Variants in KIF6 observed in about 807,000 individuals in gnomAD.
KIF6 encodes the protein kinesin family member 6, also known as kinesin-like protein KIF6.
In KIF6, 106 loss-of-function variants were observed where a neutral mutation model predicts 112.7. The observed-to-expected ratio is 0.94, with a 90% CI of 0.80 to 1.11. The LOEUF is 1.11. KIF6 is among the 50% of genes least tolerant of loss of function. The probability of loss-of-function intolerance (pLI) is 0.00; values close to 1 mark genes in which losing one functional copy is unlikely to be tolerated. For synonymous variants in KIF6, 339 were observed against 339.9 expected (o/e 1.00, Z 0.03); for missense variants, 929 against 964.0 (o/e 0.96, Z 0.48).
At chr6:39,641,306 C>T (rs898854216) in intron 3 of KIF6, among the ~76,000 whole-genome samples, 4 of 152,118 alleles carry the variant, frequency 2.6e-5, no homozygotes, top group African/African-American at 7.2e-5. Flanking sequence ...ATGGAATACT[C>T]TGCAGCCATA....
At chr6:39,684,925 A>G (rs1036673463) in intron 3 of KIF6, among the ~76,000 whole-genome samples, 2 of 152,230 alleles carry the variant, frequency 1.3e-5, no homozygotes, top group African/African-American at 4.8e-5. Context: ...TTCAGGCAAC[A>G]TGAGTATCAC....
At chr6:39,596,302 A>C in intron 6 of KIF6, 42 bp from the exon 7 acceptor site, 1 of 1,301,896 alleles carries the variant, frequency 7.7e-7, no homozygotes, top group Non-Finnish European at 1.1e-6. Context: ...GAACAATGAA[A>C]ATTTTTAAAG....
chr6:39,655,045 G>C (rs778660286), intron 3 of KIF6, among the ~76,000 whole-genome samples: 2 of 152,080 alleles, frequency 1.3e-5, no homozygotes, highest in Non-Finnish European at 2.9e-5. Flanking sequence ...CCTCTAAAGT[G>C]GCCTTGCCAA....
chr6:39,555,191 T>C (rs1355925718), intron 10 of KIF6, among the ~76,000 whole-genome samples: 1 of 152,162 alleles, frequency 6.6e-6, no homozygotes. Flanking sequence ...TCTCCTTTTC[T>C]GGGGCTTTCC....
chr6:39,547,988 T>C (rs1205466524), intron 10 of KIF6, among the ~76,000 whole-genome samples: 2 of 152,220 alleles, frequency 1.3e-5, no homozygotes, highest in Non-Finnish European at 2.9e-5. Flanking sequence ...CCTGAATACA[T>C]AGCAGAAATT....
intron 3 of KIF6, among the ~76,000 whole-genome samples, chr6:39,678,700 C>T (rs1787320006): frequency 6.6e-6 from 1 of 152,180 alleles, no homozygotes. Flanking sequence ...GCAACAAAGA[C>T]CTATATTAGA....
At chr6:39,480,651 G>A (rs1427631876) in intron 13 of KIF6, among the ~76,000 whole-genome samples, 1 of 152,086 alleles carries the variant, frequency 6.6e-6, no homozygotes, top group Non-Finnish European at 1.5e-5. Flanking sequence ...TTCTTTGAAT[G>A]TCTGATAGAA....
At chr6:39,719,499 G>A (rs577399186) in intron 2 of KIF6, among the ~76,000 whole-genome samples, 7 of 152,114 alleles carry the variant, frequency 4.6e-5, no homozygotes, top group Non-Finnish European at 7.4e-5. Flanking sequence ...CCAGAAATCC[G>A]TCACCAAAAT....
intron 10 of KIF6, among the ~76,000 whole-genome samples, chr6:39,546,911 C>A (rs1207768635): frequency 6.6e-6 from 1 of 151,354 alleles, no homozygotes; most frequent in Non-Finnish European, 1.5e-5. Flanking sequence ...GAGGGAAATT[C>A]TTGGCTCTTA....
chr6:39,432,011 C>G (rs1214171926), intron 13 of KIF6, among the ~76,000 whole-genome samples: 1 of 151,228 alleles, frequency 6.6e-6, no homozygotes, highest in South Asian at 2.1e-4. Context: ...GAGGCCTTTT[C>G]TCATGTTTTC....
chr6:39,462,320 C>A (rs1421208214), intron 13 of KIF6, among the ~76,000 whole-genome samples: 2 of 152,130 alleles, frequency 1.3e-5, no homozygotes, highest in Admixed American at 1.3e-4. Context: ...ATGTCTGGAG[C>A]TATAGGAAAC....
intron 15 of KIF6, among the ~76,000 whole-genome samples, 155 bp downstream of exon 15, chr6:39,419,793 A>G (rs1562197578): frequency 6.6e-6 from 1 of 152,134 alleles, no homozygotes. Flanking sequence ...GGGATCACAC[A>G]CTTCCTAGGG....
intron 17 of KIF6, among the ~76,000 whole-genome samples, 157 bp downstream of exon 17, chr6:39,362,277 C>G (rs558084186): frequency 6.6e-6 from 1 of 152,254 alleles, no homozygotes; most frequent in East Asian, 1.9e-4. Context: ...GCCTTTCACA[C>G]CTGCCTGCTC....
chr6:39,371,716 C>T (rs1226445797), intron 16 of KIF6, among the ~76,000 whole-genome samples: 1 of 152,164 alleles, frequency 6.6e-6, no homozygotes, highest in African/African-American at 2.4e-5. Context: ...CACAACGTCT[C>T]ATCTGAGTGC....
At chr6:39,390,984 C>A (rs1183119160) in intron 15 of KIF6, among the ~76,000 whole-genome samples, 1 of 152,176 alleles carries the variant, frequency 6.6e-6, no homozygotes, top group Non-Finnish European at 1.5e-5. Flanking sequence ...GATGTAAATT[C>A]TTTGAAACCT....
At chr6:39,450,680 C>T (rs1314070203) in intron 13 of KIF6, among the ~76,000 whole-genome samples, 2 of 152,160 alleles carry the variant, frequency 1.3e-5, no homozygotes, top group Admixed American at 6.5e-5. Flanking sequence ...TGGTACATGT[C>T]TGCAGTCCCA....
chr6:39,455,800 C>T lies in KIF6; in HGVS notation c.1646-24639G>A, dbSNP rs1387853570. On this transcript the variant is annotated intron_variant, in intron 13 of 22. Transcript: ENST00000287152. ...GGAAGATGAAATGAATGAAATGAAGCGAGAAGGGAAGTTTAGAGAAAAAAG... is the reference window on the plus strand; with the variant it reads ...GGAAGATGAAATGAATGAAATGAAGTGAGAAGGGAAGTTTAGAGAAAAAAG... Among the ~76,000 whole-genome samples the T allele has an allele frequency of 6.0e-5, 9 of 150,578 alleles. No individual in the cohort carries two copies. In the South Asian group the frequency reaches 6.4e-4, roughly 11 times the overall value.
chr6:39,394,533 A>T (rs1768115115), intron 15 of KIF6, among the ~76,000 whole-genome samples: 1 of 152,218 alleles, frequency 6.6e-6, no homozygotes, highest in African/African-American at 2.4e-5. Flanking sequence ...AGAGTCCCAG[A>T]GGCAGCCCAA....
chr6:39,615,813 C>T (rs2150725944), intron 5 of KIF6, among the ~76,000 whole-genome samples: 1 of 152,202 alleles, frequency 6.6e-6, no homozygotes, highest in African/African-American at 2.4e-5. Flanking sequence ...TAGGCAAGGT[C>T]ACTGAAAATT....
Sources: allele counts gnomAD v4.1 joint callset (sites outside exome capture counted in the v4.1 genomes callset), GRCh38; gene constraint gnomAD v4.1.1; transcripts MANE v1.5; gene names NCBI Gene and HGNC (gene_info 2026-07-23, HGNC 2026-07-21).